The following TUBGCP3 variants were observed in gnomAD, a reference collection of about 807,000 sequenced individuals.
The protein encoded by TUBGCP3 is gamma-tubulin complex component 3.
In TUBGCP3, 50 loss-of-function variants were observed where a neutral mutation model predicts 123.1. That is an observed-to-expected ratio of 0.41 (90% CI 0.32 to 0.51). The LOEUF is 0.51. TUBGCP3 is among the 20% of genes least tolerant of loss of function. The pLI is 0.36. For missense variants in TUBGCP3, 882 were observed against 1,127.0 expected (o/e 0.78, Z 3.11); for synonymous variants, 405 against 413.9 (o/e 0.98, Z 0.26).
intron 7 of TUBGCP3, 90 bp downstream of exon 7, chr13:112,554,797 T>G: frequency 1.1e-6 from 1 of 888,418 alleles, no homozygotes; most frequent in Non-Finnish European, 1.7e-6. Flanking sequence ...AAAACCCCAG[T>G]ACCACCTTAT....
At chr13:112,489,739 G>A in intron 20 of TUBGCP3, 42 bp from the exon 21 acceptor site, 1 of 1,531,736 alleles carries the variant, frequency 6.5e-7, no homozygotes, top group South Asian at 1.1e-5. Flanking sequence ...AATCACGATG[G>A]AAAACAGATT....
intron 1 of TUBGCP3, among the ~76,000 whole-genome samples, chr13:112,586,713 G>A (rs1378151648): frequency 5.3e-5 from 8 of 152,084 alleles, no homozygotes; most frequent in Non-Finnish European, 5.9e-5. Flanking sequence ...TTTATCATCT[G>A]TCTCTTCCAG....
Position 112,547,593 on chromosome 13 carries a change from C to G in TUBGCP3, c.1168+27G>C, listed in dbSNP as rs756075485. ...GTGGGAAAGTCGCGCGTGGGAAAGA[C>G]GTGCGTGGGAAAGACGCGCGTGGGA... is the stretch of plus-strand genomic sequence containing the variant. On this transcript the variant is annotated intron_variant, in intron 10 of 21. Transcript: ENST00000261965. 2.7e-6 allele frequency: 4 copies of G among 1,457,316 alleles called. No individual in the cohort carries two copies. In the South Asian group the frequency reaches 4.3e-5, roughly 16 times the overall value. 90.3% of individuals were successfully genotyped at this position (1,457,316 alleles called of 1,614,324 possible). A position where few individuals can be genotyped will look rare whatever the true frequency, so the allele number is the denominator to read the frequency against.
intron 10 of TUBGCP3, 108 bp downstream of exon 10, chr13:112,547,512 G>A: frequency 1.5e-6 from 2 of 1,339,998 alleles, no homozygotes; most frequent in South Asian, 4.5e-5. Flanking sequence ...ACGCGCGTGG[G>A]AAAGACGCGC....
chr13:112,571,132 T>C (rs974448707), intron 1 of TUBGCP3, among the ~76,000 whole-genome samples: 1 of 152,236 alleles, frequency 6.6e-6, no homozygotes, highest in Non-Finnish European at 1.5e-5. Context: ...TGTTGACAAT[T>C]TGACCTCCCA....
At chr13:112,486,218 AC>A (rs1024288283) in intron 21 of TUBGCP3, 67 bp from the exon 22 acceptor site, 15 of 1,574,410 alleles carry the variant, frequency 9.5e-6, no homozygotes, top group Non-Finnish European at 1.2e-5. Context: ...TATTCCCCGG[AC>A]CTTAATCTCC....
chr13:112,531,400 G>T (rs888756541), intron 11 of TUBGCP3, among the ~76,000 whole-genome samples: 3 of 152,188 alleles, frequency 2.0e-5, no homozygotes, highest in African/African-American at 7.2e-5. Context: ...ACTTAACCTA[G>T]ACTTCAATTG....
chr13:112,528,854 GT>G (rs925893938), intron 11 of TUBGCP3, among the ~76,000 whole-genome samples: 1 of 150,304 alleles, frequency 6.7e-6, no homozygotes, highest in African/African-American at 2.4e-5. Context: ...ACCTAGATCT[GT>G]TTTTTTTTCT....
intron 1 of TUBGCP3, among the ~76,000 whole-genome samples, chr13:112,579,768 AAG>A (rs1267081528): frequency 3.3e-5 from 5 of 152,240 alleles, no homozygotes; most frequent in Non-Finnish European, 5.9e-5. Context: ...CATACTGGAA[AAG>A]AGTCTGGCAA....
At chr13:112,518,238 C>T (rs767974895) in intron 16 of TUBGCP3, among the ~76,000 whole-genome samples, 31 of 152,060 alleles carry the variant, frequency 2.0e-4, no homozygotes, top group Middle Eastern at 3.2e-3. Context: ...CCCTGAGAGG[C>T]GGGAAAACAG....
intron 10 of TUBGCP3, 165 bp from the exon 11 acceptor site, chr13:112,546,030 G>A (rs1878958666): frequency 3.0e-6 from 2 of 675,230 alleles, no homozygotes; most frequent in South Asian, 4.8e-5. Flanking sequence ...AACATGTCAT[G>A]ATTCAGAAAC....
At chr13:112,541,861 A>G (rs1878546730) in intron 11 of TUBGCP3, among the ~76,000 whole-genome samples, 1 of 152,228 alleles carries the variant, frequency 6.6e-6, no homozygotes, top group Non-Finnish European at 1.5e-5. Flanking sequence ...AATTCATACT[A>G]TAACTCACAC....
chr13:112,556,005 T>A, intron 6 of TUBGCP3, 47 bp downstream of exon 6: 1 of 1,564,278 alleles, frequency 6.4e-7, no homozygotes, highest in Non-Finnish European at 8.7e-7. Context: ...AGAGGCTGAA[T>A]TCCAAGTGTT....
At chr13:112,529,749 A>G (rs539450775) in intron 11 of TUBGCP3, among the ~76,000 whole-genome samples, 1 of 152,328 alleles carries the variant, frequency 6.6e-6, no homozygotes, top group Admixed American at 6.5e-5. Flanking sequence ...AGTATTTTCA[A>G]TTAAAAGCCA....
At chr13:112,567,761 T>C (rs1363201113) in intron 2 of TUBGCP3, among the ~76,000 whole-genome samples, 1 of 152,172 alleles carries the variant, frequency 6.6e-6, no homozygotes, top group East Asian at 1.9e-4. Flanking sequence ...CAGAACTGAC[T>C]CGCCATCCAG....
chr13:112,487,968 C>T (rs1879788327), intron 21 of TUBGCP3, among the ~76,000 whole-genome samples: 1 of 151,750 alleles, frequency 6.6e-6, no homozygotes, highest in Non-Finnish European at 1.5e-5. Context: ...CCTGTCTCTA[C>T]TAAAAATACA....
At chr13:112,588,522 T>C (rs1318190774), upstream of TUBGCP3, among the ~76,000 whole-genome samples, 1 of 152,098 alleles carries the variant, frequency 6.6e-6, no homozygotes, top group Non-Finnish European at 1.5e-5. Context: ...TTACGATTGT[T>C]AACGTGCAGT....
At chr13:112,554,263 C>T (rs1879839557) in intron 7 of TUBGCP3, 81 bp from the exon 8 acceptor site, 1 of 1,487,376 alleles carries the variant, frequency 6.7e-7, no homozygotes, top group Non-Finnish European at 9.1e-7. Flanking sequence ...AGCACTTCTA[C>T]TTTTAATACT....
rs146292877 is a variant in TUBGCP3, at chr13:112,512,708, C to T, written c.2086+3732G>A. On this transcript the variant is annotated intron_variant, in intron 17 of 21. Transcript: ENST00000261965. ...CAAAATCGCACCATTGCACTCCAGC[C>T]TGGGTGACGGAGTGAGACTCCATCT... Among the ~76,000 whole-genome samples the T allele has an allele frequency of 1.4e-3, 214 of 152,246 alleles. 3 individuals are homozygous for T. Among genetic ancestry groups the T allele is most frequent in the Non-Finnish European group, 8.4e-4 (57 of 68,018 alleles).
Sources: allele counts gnomAD v4.1 joint callset (sites outside exome capture counted in the v4.1 genomes callset), GRCh38; gene constraint gnomAD v4.1.1; transcripts MANE v1.5; gene names NCBI Gene and HGNC (gene_info 2026-07-23, HGNC 2026-07-21).